MMP9: variants seen among roughly 807,000 people sequenced by gnomAD.
MMP9 encodes the protein matrix metalloproteinase-9.
Under a neutral mutation model 76.4 loss-of-function variants are expected in MMP9, and 73 were observed. The ratio of observed to expected loss-of-function variants is 0.96; its 90% CI spans 0.79 to 1.16. The LOEUF is 1.16. Ranked by LOEUF, MMP9 falls within the 50% of genes most tolerant of loss-of-function variation. MMP9 has a pLI of 0.00. For missense variants in MMP9, 943 were observed against 973.0 expected, an observed-to-expected ratio of 0.97 and a Z score of 0.41; for synonymous variants, 412 against 408.4, an observed-to-expected ratio of 1.01 and a Z score of -0.11.
rs780627387 is a variant in MMP9, at chr20:46,011,177, G to T, written c.684G>T (p.Ala228=). 2 of 1,614,098 alleles carry T rather than the reference G, an allele frequency of 1.2e-6. No homozygotes were observed. Among genetic ancestry groups the T allele is most frequent in the Non-Finnish European group, 1.7e-6 (2 of 1,180,040 alleles). ...CTCGGTTTGGAAACGCAGATGGCGC[G>T]GCCTGCCACTTCCCCTTCATCTTCG... is the stretch of plus-strand genomic sequence containing the variant. The part of the protein sequence containing the change: ...VPTRFGNADG[A]ACHFPFIFEG... The change falls in exon 5 of 13, where the codon GCG becomes GCT. Residue 228 remains alanine (A), a synonymous_variant. Coordinates refer to ENST00000372330, the MANE Select transcript of MMP9 (RefSeq NM_004994.3).
chr20:46,010,719 C>G lies in MMP9; in HGVS notation c.520+88C>G, dbSNP rs550752239. 6.5e-6 allele frequency: 10 copies of G among 1,548,026 alleles called. No homozygotes were observed. In the Admixed American group the frequency reaches 1.8e-4, roughly 27 times the overall value. On this transcript the variant is annotated intron_variant, in intron 3 of 12. Coordinates refer to ENST00000372330, the MANE Select transcript of MMP9 (RefSeq NM_004994.3). ...GAGAGCGTGGAGGCAGCAGTGGCCCCGGCTTCCTCTTGCCTGCCCGCGCTG... is the reference window on the plus strand; with the variant it reads ...GAGAGCGTGGAGGCAGCAGTGGCCCGGGCTTCCTCTTGCCTGCCCGCGCTG...
In MMP9 at chr20:46,010,165, T is replaced by A. The variant is rs45628134; in HGVS notation, c.371+67T>A. 2.4e-4 allele frequency: 336 copies of A among 1,403,356 alleles called. No individual in the cohort carries two copies. In the East Asian group the frequency reaches 7.8e-3, roughly 32 times the overall value. 86.9% of individuals were successfully genotyped at this position (1,403,356 alleles called of 1,614,324 possible). A position where few individuals can be genotyped will look rare whatever the true frequency, so the allele number is the denominator to read the frequency against. ...CCAGGTCTGGCTCTTGGGCCAGCGG[T>A]GAACATGTCCTGTCTTGGACGCGTC... On this transcript the variant is annotated intron_variant, in intron 2 of 12. Transcript: ENST00000372330.
At position 46,009,981 on chromosome 20, in the gene MMP9, A is replaced by G. The variant is rs1309853230; in HGVS notation, c.254A>G (p.Glu85Gly). The change falls in exon 2 of 13, where the codon GAG (glutamate) becomes GGG (glycine). Residue 85 changes from glutamate to glycine, a missense_variant. Glu to Gly is a moderately conservative substitution (Grantham distance 98). Coordinates refer to ENST00000372330, the MANE Select transcript of MMP9 (RefSeq NM_004994.3). ...CAACTGTCCCTGCCCGAGACCGGTGAGCTGGATAGCGCCACGCTGAAGGCC... is the reference window on the plus strand; with the variant it reads ...CAACTGTCCCTGCCCGAGACCGGTGGGCTGGATAGCGCCACGCTGAAGGCC... Reference protein sequence around the residue: ...QKQLSLPETGELDSATLKAMR... With the variant: ...QKQLSLPETGGLDSATLKAMR... 1 of 1,551,788 alleles carries G rather than the reference A, an allele frequency of 6.4e-7. No individual in the cohort carries two copies. Among genetic ancestry groups the G allele is most frequent in the South Asian group, 1.2e-5 (1 of 84,064 alleles).
chr20:46,015,021 C>T (rs1221070579), intron 12 of MMP9, among the ~76,000 whole-genome samples: 1 of 152,102 alleles, frequency 6.6e-6, no homozygotes, highest in East Asian at 1.9e-4. Flanking sequence ...TTATAAACAC[C>T]CCAGCCCAAA....
chr20:46,008,954 G>C lies in MMP9; in HGVS notation c.28G>C (p.Val10Leu). The change falls in exon 1 of 13, where the codon GTG becomes CTG. Residue 10 changes from valine to leucine, a missense_variant. Coordinates refer to ENST00000372330, the MANE Select transcript of MMP9 (RefSeq NM_004994.3). Reference protein sequence around the residue: MSLWQPLVLVLLVLGCCFAA... With the variant: MSLWQPLVLLLLVLGCCFAA... ...GAGCCTCTGGCAGCCCCTGGTCCTG[G>C]TGCTCCTGGTGCTGGGCTGCTGCTT... 1 of 1,613,968 alleles carries C rather than the reference G, an allele frequency of 6.2e-7. No homozygotes were observed. The highest frequency in any genetic ancestry group is 2.2e-5 in the East Asian group (1 of 44,876).
In MMP9 at chr20:46,013,766, C is replaced by G. The variant is rs189827770; in HGVS notation, c.1720C>G (p.Arg574Gly). 1 of 1,613,528 alleles carries G rather than the reference C, an allele frequency of 6.2e-7. No individual in the cohort carries two copies. The highest frequency in any genetic ancestry group is 1.7e-5 in the Admixed American group (1 of 60,030). Residue 574 changes from arginine to glycine, a missense_variant, in exon 10 of 13, where the codon CGG becomes GGG. By Grantham distance (125) the Arg-to-Gly change is moderately radical. Transcript: ENST00000372330. This position sits in a 1 kb window ranked among gnomAD's most constrained non-coding sequence, Gnocchi z 4.5. ...CAAGCTGGACTCGGTCTTTGAGGAG[C>G]GGCTCTCCAAGAAGCTTTTCTTCTT... ...PRKLDSVFEE[R>G]LSKKLFFFSG...
Position 46,012,181 on chromosome 20 carries a change from G to T in MMP9, c.1042G>T (p.Val348Phe), listed in dbSNP as rs1408103367. Residue 348 changes from valine to phenylalanine, a missense_variant, in exon 7 of 13, where the codon GTC (valine) becomes TTC (phenylalanine). Val to Phe is a conservative substitution (Grantham distance 50). Transcript: ENST00000372330. ...GGGCAACTCGGCGGGGGAGCTGTGC[G>T]TCTTCCCCTTCACTTTCCTGGGTAA... is the stretch of plus-strand genomic sequence containing the variant. Reference protein sequence around the residue: ...MGGNSAGELCVFPFTFLGKEY... With the variant: ...MGGNSAGELCFFPFTFLGKEY... The T allele has an allele frequency of 1.9e-5, 31 of 1,614,090 alleles. No individual in the cohort carries two copies. Among genetic ancestry groups the T allele is most frequent in the Non-Finnish European group, 2.6e-5 (31 of 1,180,038 alleles).
Position 46,014,365 on chromosome 20 carries a change from C to A in MMP9, c.1902-6C>A. The A allele has an allele frequency of 1.3e-6, 2 of 1,547,146 alleles. No individual in the cohort carries two copies. Among genetic ancestry groups the A allele is most frequent in the Non-Finnish European group, 8.7e-7 (1 of 1,146,942 alleles). On this transcript the variant is annotated splice_region_variant and splice_polypyrimidine_tract_variant and intron_variant, in intron 11 of 12. Coordinates refer to ENST00000372330, the MANE Select transcript of MMP9 (RefSeq NM_004994.3). ...CAGCACCTGTCTCCTCCGCGCCTGC[C>A]CGCAGGTTCGACGTGAAGGCGCAGA...
chr20:46,013,697 C>A lies in MMP9; in HGVS notation c.1651C>A (p.Gln551Lys). The change falls in exon 10 of 13, where the codon CAG becomes AAG. Residue 551 changes from glutamine to lysine, a missense_variant. Gln to Lys is a moderately conservative substitution (Grantham distance 53, BLOSUM62 1). Transcript: ENST00000372330. The surrounding 1 kb of genome is among the most constrained non-coding windows in gnomAD (Gnocchi z 4.5). ...CTCTGAGGGCAGGGGGAGCCGGCCG[C>A]AGGGCCCCTTCCTTATCGCCGACAA... ...RFSEGRGSRP[Q>K]GPFLIADKWP... 1 of 1,613,914 alleles carries A rather than the reference C, an allele frequency of 6.2e-7. No individual in the cohort carries two copies. Among genetic ancestry groups the A allele is most frequent in the Non-Finnish European group, 8.5e-7 (1 of 1,179,962 alleles).
intron 3 of MMP9, 78 bp from the exon 4 acceptor site, chr20:46,010,844 G>A: frequency 1.2e-6 from 2 of 1,611,854 alleles, no homozygotes; most frequent in South Asian, 1.1e-5. Flanking sequence ...CACTTATTTC[G>A]GAGCCCTTGC....
At position 46,013,701 on chromosome 20, in the gene MMP9, GCC is replaced by G. The variant is rs2084299961; in HGVS notation, c.1658_1659del (p.Pro553LeufsTer19). ...GAGGGCAGGGGGAGCCGGCCGCAGG[GCC>G]CCTTCCTTATCGCCGACAAGTGGCC... On this transcript the variant is annotated frameshift_variant, in exon 10 of 13. Transcript: ENST00000372330. LOFTEE classifies it high-confidence loss of function. This position sits in a 1 kb window ranked among gnomAD's most constrained non-coding sequence, Gnocchi z 4.5. The G allele has an allele frequency of 6.2e-7, 1 of 1,613,530 alleles. No individual in the cohort carries two copies. The highest frequency in any genetic ancestry group is 1.7e-5 in the Admixed American group (1 of 59,984).
intron 2 of MMP9, 35 bp from the exon 3 acceptor site, chr20:46,010,448 C>T (rs201428648): frequency 1.2e-6 from 2 of 1,613,066 alleles, no homozygotes; most frequent in African/African-American, 2.7e-5. Context: ...CAGCCTTTCA[C>T]TTCTGACCTC....
At position 46,012,143 on chromosome 20, in the gene MMP9, C is replaced by G. The variant is rs199860204; in HGVS notation, c.1004C>G (p.Ser335Trp). ...AGGCCTTGGGTCTCTCCAGCTGACT[C>G]GACGGTGATGGGGGGCAACTCGGCG... ...LFGFCPTRAD[S>W]TVMGGNSAGE... Residue 335 changes from serine to tryptophan, a missense_variant, in exon 7 of 13, where the codon TCG (serine) becomes TGG (tryptophan). Ser to Trp is a radical substitution (Grantham distance 177). Transcript: ENST00000372330. 2 of 1,614,004 alleles carry G rather than the reference C, an allele frequency of 1.2e-6. No homozygotes were observed. The highest frequency in any genetic ancestry group is 1.3e-5 in the African/African-American group (1 of 75,044).
chr20:46,015,116 C>A (rs2084310730), intron 12 of MMP9, among the ~76,000 whole-genome samples: 1 of 152,070 alleles, frequency 6.6e-6, no homozygotes, highest in African/African-American at 2.4e-5. Context: ...TGGGAGTGAC[C>A]CCAGATGAAT....
At chr20:46,011,804 CA>C (rs2084281744) in intron 6 of MMP9, 57 bp downstream of exon 6, 2 of 1,554,908 alleles carry the variant, frequency 1.3e-6, no homozygotes, top group Non-Finnish European at 1.7e-6. Context: ...TATTGGCCCC[CA>C]AAACGCGGCT....
At position 46,014,208 on chromosome 20, in the gene MMP9, A is replaced by T. The variant is rs1217117967; in HGVS notation, c.1835A>T (p.Gln612Leu). Reference sequence around the variant, plus strand: ...CTGGGCCTGGGAGCCGACGTGGCCCAGGTGACCGGGGCCCTCCGGAGTGGC... The same window carrying T: ...CTGGGCCTGGGAGCCGACGTGGCCCTGGTGACCGGGGCCCTCCGGAGTGGC... ...DKLGLGADVAQVTGALRSGRG... is the reference protein window; with the variant it reads ...DKLGLGADVALVTGALRSGRG... The change falls in exon 11 of 13, where the codon CAG becomes CTG. Residue 612 changes from glutamine to leucine, a missense_variant. Transcript: ENST00000372330. 2.6e-6 allele frequency: 4 copies of T among 1,531,556 alleles called. No individual in the cohort carries two copies. The highest frequency in any genetic ancestry group is 2.0e-5 in the Admixed American group (1 of 50,414). 94.9% of individuals were successfully genotyped at this position (1,531,556 alleles called of 1,614,324 possible).
At chr20:46,011,098 A>G (rs201895856) in intron 4 of MMP9, 45 bp from the exon 5 acceptor site, 16 of 1,612,814 alleles carry the variant, frequency 9.9e-6, no homozygotes, top group South Asian at 3.3e-5. Context: ...ATTCTCTCCC[A>G]CTCATCACCC....
At position 46,013,088 on chromosome 20, in the gene MMP9, A is replaced by C. The variant is rs2084294427; in HGVS notation, c.1331-167A>C. Among the ~76,000 whole-genome samples the C allele has an allele frequency of 6.6e-6, 1 of 151,736 alleles. No homozygotes were observed. Among genetic ancestry groups the C allele is most frequent in the South Asian group, 2.1e-4 (1 of 4,800 alleles). ...CCTGGGCCATAGAGGATGTCGCTTA[A>C]AACGAAAAAGAAGAAGAAGAAAGTC... On this transcript the variant is annotated intron_variant, in intron 8 of 12. Coordinates refer to ENST00000372330, the MANE Select transcript of MMP9 (RefSeq NM_004994.3). This position sits in a 1 kb window ranked among gnomAD's most constrained non-coding sequence, Gnocchi z 4.5.
chr20:46,013,581 G>C lies in MMP9; in HGVS notation c.1610+47G>C. 1 of 1,611,508 alleles carries C rather than the reference G, an allele frequency of 6.2e-7. No homozygotes were observed. Among genetic ancestry groups the C allele is most frequent in the Non-Finnish European group, 8.5e-7 (1 of 1,178,276 alleles). On this transcript the variant is annotated intron_variant, in intron 9 of 12. Transcript: ENST00000372330. The surrounding 1 kb of genome is among the most constrained non-coding windows in gnomAD (Gnocchi z 4.5). ...GATGCGGGAGGGGGCTTTGCGGAGG[G>C]GCTGCCCGTCCCTTCCCGCCCACTG...
Sources: gnomAD v4.1 joint callset for allele counts (sites outside exome capture counted in the v4.1 genomes callset) on GRCh38, gnomAD v4.1.1 for gene constraint, Gnocchi (gnomAD v3.1) non-coding constraint, MANE v1.5 for transcripts, NCBI Gene and HGNC (gene_info 2026-07-23, HGNC 2026-07-21) for gene names.